Variants in EXOSC4 observed in about 807,000 individuals in gnomAD.
EXOSC4 encodes the protein exosome component 4, also known as exosome complex component RRP41.
A neutral mutation model predicts 20.0 loss-of-function variants in EXOSC4; 14 were observed. The ratio of observed to expected loss-of-function variants is 0.70; its 90% CI spans 0.46 to 1.09. The LOEUF is 1.09. Ranked by LOEUF, EXOSC4 falls within the 50% of genes least tolerant of loss-of-function variation. The probability of loss-of-function intolerance (pLI) is 0.00; values close to 1 mark genes in which losing one functional copy is unlikely to be tolerated. For missense variants in EXOSC4, 337 were observed against 334.0 expected (o/e 1.01, Z -0.07); for synonymous variants, 148 against 146.4 (o/e 1.01, Z -0.08).
At chr8:144,068,436 C>A in the EXOSC4 span, among the ~76,000 whole-genome samples, 1 of 152,198 alleles carries the variant, frequency 6.6e-6, no homozygotes, top group Non-Finnish European at 1.5e-5. Flanking sequence ...CCACTTTAGA[C>A]GAACACGCTG....
the EXOSC4 span, among the ~76,000 whole-genome samples, chr8:144,072,811 G>A: frequency 3.9e-5 from 6 of 152,258 alleles, no homozygotes; most frequent in Non-Finnish European, 5.9e-5. Flanking sequence ...CACGTGGGAT[G>A]AATCCATATC....
the EXOSC4 span, among the ~76,000 whole-genome samples, chr8:144,068,630 A>G: frequency 6.6e-6 from 1 of 152,230 alleles, no homozygotes; most frequent in Admixed American, 6.5e-5. Context: ...GGCATACAGC[A>G]AAGCAAGAAG....
chr8:144,079,248 T>TG (rs112053920), intron 1 of EXOSC4: 28,847 of 245,640 alleles, frequency 0.12, 2,850 homozygotes, highest in African/African-American at 0.32. Context: ...AATAAACCCT[T>TG]TGTTTTGTGC....
chr8:144,075,258 G>C (rs1358758981), upstream of EXOSC4, among the ~76,000 whole-genome samples: 1 of 147,788 alleles, frequency 6.8e-6, no homozygotes. Context: ...ACAGAGTCTC[G>C]CTCTGTCGCC....
the EXOSC4 span, among the ~76,000 whole-genome samples, chr8:144,064,541 A>T: frequency 2.0e-5 from 3 of 152,252 alleles, no homozygotes; most frequent in Non-Finnish European, 4.4e-5. Flanking sequence ...GCTGCAGGCC[A>T]AGGGATGCAC....
chr8:144,077,819 G>A (rs190150261), upstream of EXOSC4, among the ~76,000 whole-genome samples: 10 of 152,314 alleles, frequency 6.6e-5, no homozygotes, highest in Admixed American at 2.6e-4. Context: ...GCCACATGTA[G>A]GTGTGCTGCC....
chr8:144,074,475 T>C (rs539347700), upstream of EXOSC4, among the ~76,000 whole-genome samples: 2 of 152,278 alleles, frequency 1.3e-5, no homozygotes, highest in East Asian at 1.9e-4. Flanking sequence ...GCTGATGAAA[T>C]TGGCCAAGTG....
At chr8:144,078,636 A>G (rs1210684323), upstream of EXOSC4, 9 of 1,297,504 alleles carry the variant, frequency 6.9e-6, no homozygotes, top group African/African-American at 1.2e-4. This position sits in a 1 kb window ranked among gnomAD's most constrained non-coding sequence, Gnocchi z 4.7. Flanking sequence ...ACCTCCGGAA[A>G]CCGTAGATTC....
At position 144,078,765 on chromosome 8, in the gene EXOSC4, C is replaced by T. The variant is rs781819833; in HGVS notation, c.37C>T (p.Arg13Trp). ...GGAGCTCTTGTCGGACCAGGGCTAC[C>T]GGGTGGACGGGCGGCGCGCCGGGGA... ...GLELLSDQGY[R>W]VDGRRAGELR... is the part of the protein sequence containing the mutation. Residue 13 changes from arginine (R) to tryptophan (W), a missense_variant, in exon 1 of 3, where the codon CGG becomes TGG. Transcript: ENST00000316052. This position sits in a 1 kb window ranked among gnomAD's most constrained non-coding sequence, Gnocchi z 4.7. 11 of 1,529,510 alleles carry T rather than the reference C, an allele frequency of 7.2e-6. No individual in the cohort carries two copies. Among genetic ancestry groups the T allele is most frequent in the African/African-American group, 1.4e-5 (1 of 70,644 alleles). The allele number at this position is 1,529,510 out of a possible 1,614,324, so 94.7% of individuals were successfully genotyped here.
the EXOSC4 span, among the ~76,000 whole-genome samples, chr8:144,064,221 C>T: frequency 6.6e-6 from 1 of 152,364 alleles, no homozygotes; most frequent in African/African-American, 2.4e-5. Flanking sequence ...TTTGACCCGG[C>T]CAAGCCCAGG....
At chr8:144,065,585 A>C in the EXOSC4 span, among the ~76,000 whole-genome samples, 4 of 151,800 alleles carry the variant, frequency 2.6e-5, no homozygotes, top group African/African-American at 9.7e-5. Context: ...AAATACAAAA[A>C]TTAGCTGGCC....
upstream of EXOSC4, among the ~76,000 whole-genome samples, chr8:144,077,448 G>C (rs1250248677): frequency 6.6e-6 from 1 of 152,136 alleles, no homozygotes; most frequent in Non-Finnish European, 1.5e-5. Flanking sequence ...CAGGGTTGTG[G>C]CTTGCTCACT....
the EXOSC4 span, among the ~76,000 whole-genome samples, chr8:144,065,109 T>C: frequency 6.6e-6 from 1 of 152,146 alleles, no homozygotes; most frequent in East Asian, 1.9e-4. Flanking sequence ...CCTCCCAAAG[T>C]GCTGGGATTA....
intron 1 of EXOSC4, chr8:144,079,431 G>C (rs1007300616): frequency 9.6e-5 from 29 of 301,088 alleles, no homozygotes; most frequent in Non-Finnish European, 1.9e-4. Context: ...TTTGCTTAGC[G>C]CATGAGTGTG....
chr8:144,080,592 G>A lies in EXOSC4; in HGVS notation c.729G>A (p.Leu243=), dbSNP rs782721445. 3 of 1,597,258 alleles carry A rather than the reference G, an allele frequency of 1.9e-6. No homozygotes were observed. The highest frequency in any genetic ancestry group is 1.7e-5 in the Admixed American group (1 of 59,986). ...RQHVREASIL[L]GD ...ATGTGCGTGAGGCCTCTATCTTGCT[G>A]GGGGACTGACCACCCAGCCACCCAT... is the stretch of plus-strand genomic sequence containing the variant. Residue 243 remains leucine, a synonymous_variant, in exon 3 of 3, where the codon CTG becomes CTA. Transcript: ENST00000316052. This position sits in a 1 kb window ranked among gnomAD's most constrained non-coding sequence, Gnocchi z 4.9.
the EXOSC4 span, among the ~76,000 whole-genome samples, chr8:144,068,016 G>A: frequency 7.9e-4 from 120 of 152,316 alleles, no homozygotes; most frequent in Non-Finnish European, 1.2e-3. Context: ...GTGGCTCTAC[G>A]GCTATGGAGG....
chr8:144,075,420 G>T (rs1237435752), upstream of EXOSC4, among the ~76,000 whole-genome samples: 1 of 152,154 alleles, frequency 6.6e-6, no homozygotes, highest in Non-Finnish European at 1.5e-5. Context: ...TAGAGTCAGG[G>T]TTTCACCGTG....
At chr8:144,072,064 C>A in the EXOSC4 span, among the ~76,000 whole-genome samples, 1 of 152,168 alleles carries the variant, frequency 6.6e-6, no homozygotes, top group African/African-American at 2.4e-5. Context: ...GTGTAAAGAT[C>A]ATGTCTGGGT....
chr8:144,070,775 C>T, the EXOSC4 span, among the ~76,000 whole-genome samples: 1 of 151,976 alleles, frequency 6.6e-6, no homozygotes, highest in Admixed American at 6.6e-5. Context: ...TTGCAGTGAG[C>T]CGAGGTCGCA....
Sources: allele counts gnomAD v4.1 joint callset (sites outside exome capture counted in the v4.1 genomes callset), GRCh38; gene constraint gnomAD v4.1.1; non-coding constraint Gnocchi (gnomAD v3.1); transcripts MANE v1.5; gene names NCBI Gene and HGNC (gene_info 2026-07-23, HGNC 2026-07-21).